Variants in ZNF385C observed in about 807,000 individuals in gnomAD.
ZNF385C encodes CTD-2132N18.2.
Under a neutral mutation model 35.4 loss-of-function variants are expected in ZNF385C, and 28 were observed. The ratio of observed to expected loss-of-function variants is 0.79; its 90% CI spans 0.59 to 1.08. ZNF385C has a LOEUF of 1.08. Among genes scored for constraint, ZNF385C ranks in the 50% least tolerant of loss-of-function variants. The pLI is 0.00. For missense variants in ZNF385C, 605 were observed against 595.6 expected (o/e 1.02, Z -0.16); for synonymous variants, 248 against 248.2 (o/e 1.00, Z 0.01).
rs1489308016 is a variant in ZNF385C, at chr17:42,027,726, G to A, written c.1167C>T (p.His389=). 9 of 1,612,230 alleles carry A rather than the reference G, an allele frequency of 5.6e-6. No individual in the cohort carries two copies. The African/African-American group carries it at 9.4e-5, about 17-fold the overall frequency. Residue 389 remains histidine, a splice_region_variant and synonymous_variant, in exon 8 of 9, where the codon CAC becomes CAT. Coordinates refer to ENST00000692273, the MANE Select transcript of ZNF385C (RefSeq NM_001392013.1). ...QVNSETQLKQ[H]MSSRRHKDRL... ...GGTCTTTGTGCCTCCTGCTGCTCAT[G>A]TGCTAATGGACAGACAGACAGACTG...
intron 1 of ZNF385C, among the ~76,000 whole-genome samples, chr17:42,092,766 T>C (rs1555660666): frequency 6.6e-6 from 1 of 152,124 alleles, no homozygotes; most frequent in African/African-American, 2.4e-5. Flanking sequence ...TGGGGGAGTG[T>C]CCCATCCCCA....
chr17:42,026,655 G>T lies in ZNF385C; in HGVS notation c.*242C>A. On this transcript the variant is annotated 3_prime_UTR_variant, in exon 9 of 9. Transcript: ENST00000692273. Reference sequence around the variant, plus strand: ...GGGCTGAGATTTTGCATAGATCTTTGGGGTCTGTCAGGGTGGGAAATGCAG... The same window carrying T: ...GGGCTGAGATTTTGCATAGATCTTTTGGGTCTGTCAGGGTGGGAAATGCAG... The T allele has an allele frequency of 1.7e-6, 1 of 574,916 alleles. No homozygotes were observed. Among genetic ancestry groups the T allele is most frequent in the Non-Finnish European group, 3.1e-6 (1 of 321,574 alleles). 35.6% of individuals were successfully genotyped at this position (574,916 alleles called of 1,614,324 possible). A position where few individuals can be genotyped will look rare whatever the true frequency, so the allele number is the denominator to read the frequency against.
chr17:42,090,861 G>A (rs928791632), intron 1 of ZNF385C, among the ~76,000 whole-genome samples: 3 of 150,844 alleles, frequency 2.0e-5, no homozygotes, highest in African/African-American at 5.0e-5. Context: ...CAGCCTGGGC[G>A]ACAGAGCGAG....
At chr17:42,043,436 C>T in intron 2 of ZNF385C, 1 of 1,215,794 alleles carries the variant, frequency 8.2e-7, no homozygotes, top group African/African-American at 1.6e-5. Flanking sequence ...CCCCCTGCCT[C>T]CCCCACACAC....
At chr17:42,089,315 CTAAA>C (rs140225933) in intron 1 of ZNF385C, among the ~76,000 whole-genome samples, 173 of 151,636 alleles carry the variant, frequency 1.1e-3, no homozygotes, top group African/African-American at 3.9e-3. Flanking sequence ...GACCCTGTCT[CTAAA>C]TAAATAAATA....
chr17:42,027,696 C>T lies in ZNF385C; in HGVS notation c.1197G>A (p.Leu399=). 6.2e-7 allele frequency: 1 copy of T among 1,612,904 alleles called. No individual in the cohort carries two copies. Among genetic ancestry groups the T allele is most frequent in the Non-Finnish European group, 8.5e-7 (1 of 1,179,606 alleles). The change falls in exon 8 of 9, where the codon CTG becomes CTA. Residue 399 remains leucine (L), a synonymous_variant. Coordinates refer to ENST00000692273, the MANE Select transcript of ZNF385C (RefSeq NM_001392013.1). Reference sequence around the variant, plus strand: ...TGGAGGGCTTGGGGGTCTTCCCGGCCAGGCGGTCTTTGTGCCTCCTGCTGC... The same window carrying T: ...TGGAGGGCTTGGGGGTCTTCCCGGCTAGGCGGTCTTTGTGCCTCCTGCTGC... The part of the protein sequence containing the change: ...HMSSRRHKDR[L]AGKTPKPSSQ...
chr17:42,085,404 G>C (rs954183059), intron 1 of ZNF385C, among the ~76,000 whole-genome samples: 1 of 151,592 alleles, frequency 6.6e-6, no homozygotes, highest in East Asian at 1.9e-4. Flanking sequence ...GAGCAGCTGG[G>C]ACTACAAGTG....
intron 1 of ZNF385C, among the ~76,000 whole-genome samples, chr17:42,080,478 T>C (rs2053736316): frequency 1.3e-5 from 2 of 152,136 alleles, no homozygotes; most frequent in Admixed American, 6.5e-5. Context: ...TCCTCCTCAA[T>C]ATGAGAAACT....
chr17:42,085,595 C>CATTT (rs1160058725), intron 1 of ZNF385C, among the ~76,000 whole-genome samples: 1 of 142,408 alleles, frequency 7.0e-6, no homozygotes, highest in Non-Finnish European at 1.5e-5. Context: ...CTCTGCAAAA[C>CATTT]ATTTTTTTTT....
chr17:42,026,429 C>T lies in ZNF385C; in HGVS notation c.*468G>A. The T allele has an allele frequency of 5.2e-6, 1 of 191,540 alleles. No individual in the cohort carries two copies. The highest frequency in any genetic ancestry group is 1.1e-5 in the Non-Finnish European group (1 of 91,502). The allele number at this position is 191,540 out of a possible 1,614,324, so 11.9% of individuals were successfully genotyped here. A position where few individuals can be genotyped will look rare whatever the true frequency, so the allele number is the denominator to read the frequency against. On this transcript the variant is annotated 3_prime_UTR_variant, in exon 9 of 9. Transcript: ENST00000692273. ...CTCCTCCATGGTCCTCTGTCACACTCCCATGGTCACCTTGTCCTGACAGCC... is the reference window on the plus strand; with the variant it reads ...CTCCTCCATGGTCCTCTGTCACACTTCCATGGTCACCTTGTCCTGACAGCC...
intron 2 of ZNF385C, chr17:42,042,684 C>T: frequency 1.8e-6 from 1 of 542,606 alleles, no homozygotes; most frequent in South Asian, 1.0e-4. Flanking sequence ...GGACCAGGGA[C>T]ATAGGCTCTC....
At chr17:42,029,735 A>C (rs966881506) in intron 5 of ZNF385C, among the ~76,000 whole-genome samples, 33 of 150,498 alleles carry the variant, frequency 2.2e-4, no homozygotes, top group South Asian at 6.3e-4. Context: ...AACAAACAAA[A>C]AAAACACAGT....
intron 2 of ZNF385C, among the ~76,000 whole-genome samples, chr17:42,042,421 C>G (rs966811851): frequency 6.6e-6 from 1 of 151,908 alleles, no homozygotes; most frequent in Non-Finnish European, 1.5e-5. Context: ...AATAGGGAGG[C>G]TGAGGCAGGA....
chr17:42,027,554 G>GGCCCCCCCCCCCCC, intron 8 of ZNF385C, 64 bp downstream of exon 8: 6 of 556,880 alleles, frequency 1.1e-5, no homozygotes, highest in East Asian at 6.9e-5. Flanking sequence ...CCCCCATCTG[G>GGCCCCCCCCCCCCC]CCCTCCCAGC....
At chr17:42,046,984 T>A in intron 2 of ZNF385C, among the ~76,000 whole-genome samples, 1 of 150,538 alleles carries the variant, frequency 6.6e-6, no homozygotes, top group African/African-American at 2.4e-5. Flanking sequence ...CGCCTCAGCC[T>A]CCCAAGTAAC....
In ZNF385C at chr17:42,095,861, T is replaced by C. The variant is rs1185338767; in HGVS notation, c.-3+2549A>G. On this transcript the variant is annotated intron_variant, in intron 1 of 8. Transcript: ENST00000692273. This position sits in a 1 kb window ranked among gnomAD's most constrained non-coding sequence, Gnocchi z 4.4. ...GCCCAGCCAGGCCCACCTGGAACAC[T>C]CACAGGGCCTGGGGCAAGGGGACAA... 6.6e-6 allele frequency among the ~76,000 whole-genome samples: 1 copy of C among 152,014 alleles called. No individual in the cohort carries two copies. The highest frequency in any genetic ancestry group is 1.5e-5 in the Non-Finnish European group (1 of 68,006).
At chr17:42,039,806 C>T in intron 2 of ZNF385C, 4 of 1,232,022 alleles carry the variant, frequency 3.2e-6, no homozygotes, top group Non-Finnish European at 4.0e-6. Context: ...CCATCCACTG[C>T]GATCTTCACC....
chr17:42,075,859 T>G (rs1309371367), intron 1 of ZNF385C, among the ~76,000 whole-genome samples: 2 of 151,970 alleles, frequency 1.3e-5, no homozygotes, highest in African/African-American at 4.8e-5. Flanking sequence ...CAGCACAACC[T>G]CCCCCCATCT....
At chr17:42,071,039 C>G (rs1289579918) in intron 1 of ZNF385C, among the ~76,000 whole-genome samples, 1 of 152,094 alleles carries the variant, frequency 6.6e-6, no homozygotes, top group Non-Finnish European at 1.5e-5. Flanking sequence ...TGGGGTCACC[C>G]AGGGCCACAC....
Sources: allele counts gnomAD v4.1 joint callset (sites outside exome capture counted in the v4.1 genomes callset), GRCh38; gene constraint gnomAD v4.1.1; non-coding constraint Gnocchi (gnomAD v3.1); transcripts MANE v1.5; gene names NCBI Gene and HGNC (gene_info 2026-07-23, HGNC 2026-07-21).